The following CACNA1E variants were observed in gnomAD, a reference collection of about 807,000 sequenced individuals.
CACNA1E encodes the protein voltage-dependent R-type calcium channel subunit alpha-1E.
CACNA1E carries 40 observed loss-of-function variants against 259.2 expected under a neutral mutation model. That is an observed-to-expected ratio of 0.15 (90% CI 0.12 to 0.20). CACNA1E has a LOEUF of 0.20. Ranked by LOEUF, CACNA1E falls within the 10% of genes least tolerant of loss-of-function variation. CACNA1E has a pLI of 1.00. For missense variants in CACNA1E, 1,874 were observed against 3,040.1 expected, an observed-to-expected ratio of 0.62 and a Z score of 9.02; for synonymous variants, 1,104 against 1,138.5, an observed-to-expected ratio of 0.97 and a Z score of 0.61.
rs1028332841 is a variant in CACNA1E at position 181,806,088 on chromosome 1, T to C, written c.*7254T>C. 4 of 152,244 alleles carry C rather than the reference T, an allele frequency of 2.6e-5. No individual in the cohort carries two copies. The highest frequency in any genetic ancestry group is 4.4e-5 in the Non-Finnish European group (3 of 68,062). The allele number at this position is 152,244 out of a possible 1,614,324, so 9.4% of individuals were successfully genotyped here. On this transcript the variant is annotated 3_prime_UTR_variant, in exon 48 of 48. Coordinates refer to ENST00000367573, the MANE Select transcript of CACNA1E (RefSeq NM_001205293.3). ...GATTCCCAAAATTTTCTTCCAGACC[T>C]GGGAGATGGAGAGAAAGAGGTTCTT...
chr1:181,543,871 A>G (rs184190098), intron 3 of CACNA1E, among the ~76,000 whole-genome samples: 1 of 152,362 alleles, frequency 6.6e-6, no homozygotes, highest in Non-Finnish European at 1.5e-5. Flanking sequence ...AGAAATTTGG[A>G]TCCTCACACA....
At chr1:181,697,821 G>A (rs1185208211) in intron 7 of CACNA1E, among the ~76,000 whole-genome samples, 1 of 152,190 alleles carries the variant, frequency 6.6e-6, no homozygotes, top group African/African-American at 2.4e-5. Flanking sequence ...ATTGGTCCAT[G>A]GTTCACACTT....
intron 3 of CACNA1E, among the ~76,000 whole-genome samples, chr1:181,545,508 C>A (rs542066162): frequency 1.3e-5 from 2 of 152,228 alleles, no homozygotes; most frequent in East Asian, 1.9e-4. Flanking sequence ...GGAATCCCCC[C>A]ACACTGAGGT....
At position 181,807,521 on chromosome 1, in the gene CACNA1E, T is replaced by C. The variant is rs1350265504; in HGVS notation, c.*8687T>C. The C allele has an allele frequency of 2.0e-5, 3 of 151,914 alleles. No individual in the cohort carries two copies. The highest frequency in any genetic ancestry group is 4.4e-5 in the Non-Finnish European group (3 of 68,042). The allele number at this position is 151,914 out of a possible 1,614,324, so 9.4% of individuals were successfully genotyped here. A position where few individuals can be genotyped will look rare whatever the true frequency, so the allele number is the denominator to read the frequency against. ...GCAAGCCCCAGGCCCAGGCCTCCAT[T>C]TGATTTGCCACTCCGAGAACTGTCT... On this transcript the variant is annotated 3_prime_UTR_variant, in exon 48 of 48. Transcript: ENST00000367573.
chr1:181,501,184 G>A (rs1665217927), intron 1 of CACNA1E, among the ~76,000 whole-genome samples: 1 of 152,218 alleles, frequency 6.6e-6, no homozygotes, highest in South Asian at 2.1e-4. Context: ...TTGAATGACA[G>A]CGTTTTGAGT....
chr1:181,542,550 C>T (rs532714282), intron 3 of CACNA1E, among the ~76,000 whole-genome samples: 8 of 152,150 alleles, frequency 5.3e-5, no homozygotes, highest in Admixed American at 1.3e-4. Flanking sequence ...AGTGAGTTCT[C>T]ACGAGATCTG....
rs531974120 is a variant in CACNA1E, at chr1:181,585,016, C to T, written c.951+4240C>T. Among the ~76,000 whole-genome samples, 4 of 149,272 alleles carry T rather than the reference C, an allele frequency of 2.7e-5. No individual in the cohort carries two copies. In the East Asian group the frequency reaches 7.7e-4, roughly 29 times the overall value. On this transcript the variant is annotated intron_variant, in intron 6 of 47. Coordinates refer to ENST00000367573, the MANE Select transcript of CACNA1E (RefSeq NM_001205293.3). The stretch of plus-strand genomic sequence containing the variant: ...CATGCTCTGGAATAAACTGGTCCCC[C>T]CCCCTGCCTCAAACAACCCCATCTG...
intron 3 of CACNA1E, among the ~76,000 whole-genome samples, chr1:181,575,075 C>T (rs12046123): frequency 0.23 from 35,588 of 151,690 alleles, 4,792 homozygotes; most frequent in Admixed American, 0.32. Context: ...AACAGGTGAA[C>T]GGGGAGCCGG....
At chr1:181,584,336 G>T (rs528190652) in intron 6 of CACNA1E, among the ~76,000 whole-genome samples, 2 of 152,182 alleles carry the variant, frequency 1.3e-5, no homozygotes, top group East Asian at 3.8e-4. Context: ...CAGCTTTGCA[G>T]GTATGCTTTC....
intron 24 of CACNA1E, 92 bp from the exon 25 acceptor site, chr1:181,739,055 G>A: frequency 1.2e-6 from 1 of 804,902 alleles, no homozygotes; most frequent in South Asian, 1.4e-5. Flanking sequence ...TGGAGACAGT[G>A]GCAGTGGGGG....
intron 3 of CACNA1E, among the ~76,000 whole-genome samples, chr1:181,521,349 T>A (rs1374466301): frequency 6.6e-6 from 1 of 152,176 alleles, no homozygotes; most frequent in Non-Finnish European, 1.5e-5. Context: ...GAGAGCTCAA[T>A]CTGAAATGGA....
intron 37 of CACNA1E, among the ~76,000 whole-genome samples, chr1:181,773,925 G>A (rs1381854067): frequency 6.6e-6 from 1 of 152,166 alleles, no homozygotes; most frequent in Non-Finnish European, 1.5e-5. Flanking sequence ...TATTCAGCAC[G>A]AGATGATCTG....
intron 38 of CACNA1E, chr1:181,779,330 C>G (rs1239749134): frequency 1.2e-5 from 3 of 260,552 alleles, no homozygotes; most frequent in Non-Finnish European, 2.5e-5. Context: ...TTGCCAGGCC[C>G]AAGGAAAGAA....
At chr1:181,498,959 T>C (rs1298199798) in intron 1 of CACNA1E, among the ~76,000 whole-genome samples, 1 of 151,944 alleles carries the variant, frequency 6.6e-6, no homozygotes, top group Non-Finnish European at 1.5e-5. Context: ...TAAGAAAAAA[T>C]AGGAATGGAT....
At chr1:181,549,158 G>A (rs1054330859) in intron 3 of CACNA1E, among the ~76,000 whole-genome samples, 2 of 152,204 alleles carry the variant, frequency 1.3e-5, no homozygotes, top group Non-Finnish European at 2.9e-5. Context: ...TGAAGGAGTG[G>A]CGTCAGGATG....
rs192264032 is a variant in CACNA1E at position 181,448,568 on chromosome 1, T to A, written c.434+34988T>A. On this transcript the variant is annotated intron_variant, in intron 2 of 11. Coordinates refer to the CACNA1E transcript ENST00000524607. ...TGTGTTTCCTCCAGGTTCGTTATAGTCTGTTTGAAGTCTGAGTTTGACGTA... is the reference window on the plus strand; with the variant it reads ...TGTGTTTCCTCCAGGTTCGTTATAGACTGTTTGAAGTCTGAGTTTGACGTA... Among the ~76,000 whole-genome samples, 186 of 152,304 alleles carry A rather than the reference T, an allele frequency of 1.2e-3. 1 individual carries two copies. Among genetic ancestry groups the A allele is most frequent in the Non-Finnish European group, 1.2e-3 (84 of 68,028 alleles).
chr1:181,538,306 C>G (rs1482531330), intron 3 of CACNA1E, among the ~76,000 whole-genome samples: 1 of 152,134 alleles, frequency 6.6e-6, no homozygotes, highest in African/African-American at 2.4e-5. Context: ...AAAAATATAT[C>G]TGCTTTAAGG....
intron 2 of CACNA1E, among the ~76,000 whole-genome samples, chr1:181,428,560 G>T (rs1034117616): frequency 2.0e-5 from 3 of 152,214 alleles, no homozygotes; most frequent in East Asian, 3.9e-4. Flanking sequence ...GGCTGGGAGT[G>T]GGGGCAGGAA....
Position 181,776,309 on chromosome 1 carries a change from C to A in CACNA1E, c.5267+81C>A. 7.2e-7 allele frequency: 1 copy of A among 1,396,630 alleles called. No individual in the cohort carries two copies. Among genetic ancestry groups the A allele is most frequent in the Non-Finnish European group, 1.0e-6 (1 of 984,276 alleles). 86.5% of individuals were successfully genotyped at this position (1,396,630 alleles called of 1,614,324 possible). On this transcript the variant is annotated intron_variant, in intron 38 of 47. Coordinates refer to ENST00000367573, the MANE Select transcript of CACNA1E (RefSeq NM_001205293.3). The surrounding 1 kb of genome is among the most constrained non-coding windows in gnomAD (Gnocchi z 4.4). ...CCCAGGGAAGAGGCTGGAATTGGAGCCACCCAAATGCCTGCCTGTTACAGA... is the reference window on the plus strand; with the variant it reads ...CCCAGGGAAGAGGCTGGAATTGGAGACACCCAAATGCCTGCCTGTTACAGA...
Sources: gnomAD v4.1 joint callset for allele counts (sites outside exome capture counted in the v4.1 genomes callset) on GRCh38, gnomAD v4.1.1 for gene constraint, Gnocchi (gnomAD v3.1) non-coding constraint, MANE v1.5 for transcripts, NCBI Gene and HGNC (gene_info 2026-07-23, HGNC 2026-07-21) for gene names.